OCA2: variants seen among roughly 807,000 people sequenced by gnomAD.
OCA2 encodes the protein P protein.
In OCA2, 77 loss-of-function variants were observed where a neutral mutation model predicts 100.2. The observed-to-expected ratio is 0.77, with a 90% CI of 0.64 to 0.93. OCA2 has a LOEUF of 0.93. OCA2 is among the 40% of genes least tolerant of loss of function. The pLI, the probability that OCA2 is intolerant of heterozygous loss-of-function variation, is 0.00. For missense variants in OCA2, 1,062 were observed against 1,089.1 expected, an observed-to-expected ratio of 0.98 and a Z score of 0.35; for synonymous variants, 432 against 439.2, an observed-to-expected ratio of 0.98 and a Z score of 0.21.
intron 15 of OCA2, among the ~76,000 whole-genome samples, chr15:27,965,825 A>G (rs1275796523): frequency 6.6e-6 from 1 of 152,178 alleles, no homozygotes; most frequent in Non-Finnish European, 1.5e-5. Context: ...CAAATAATCT[A>G]TTGTTCCTAA....
chr15:27,954,360 A>G (rs1022651724), intron 17 of OCA2, among the ~76,000 whole-genome samples: 1 of 152,262 alleles, frequency 6.6e-6, no homozygotes. Flanking sequence ...TCACAGCTAT[A>G]CCTTTCTTTT....
At chr15:27,968,111 G>A (rs1478077598) in intron 14 of OCA2, among the ~76,000 whole-genome samples, 2 of 152,144 alleles carry the variant, frequency 1.3e-5, no homozygotes, top group South Asian at 2.1e-4. Context: ...TTTCACAGAC[G>A]TCCTGGAGTA....
At chr15:27,834,220 C>T (rs1047544269) in intron 23 of OCA2, among the ~76,000 whole-genome samples, 2 of 152,186 alleles carry the variant, frequency 1.3e-5, no homozygotes, top group African/African-American at 4.8e-5. Flanking sequence ...TGTAATCAAT[C>T]ATGCCAATGT....
At chr15:27,794,543 T>C (rs2033240630) in intron 23 of OCA2, among the ~76,000 whole-genome samples, 2 of 152,228 alleles carry the variant, frequency 1.3e-5, no homozygotes, top group Admixed American at 1.3e-4. Flanking sequence ...TAACGGGCCA[T>C]GACTGCATAA....
chr15:27,957,728 C>T lies in OCA2; in HGVS notation c.1644G>A (p.Lys548=), dbSNP rs371550945. 6.8e-6 allele frequency: 11 copies of T among 1,613,054 alleles called. No homozygotes were observed. The highest frequency in any genetic ancestry group is 9.3e-6 in the Non-Finnish European group (11 of 1,180,008). ...TCAGGCGCCAGACGTGAATCTCGTG[C>T]TTCAGTTCTGCAGAGAAAGGAAGGC... ...NKEPSEIVEL[K]HEIHVWRLTA... The change falls in exon 16 of 24, where the codon AAG becomes AAA. Residue 548 remains lysine, a synonymous_variant. Coordinates refer to ENST00000354638, the MANE Select transcript of OCA2 (RefSeq NM_000275.3). This position sits in a 1 kb window ranked among gnomAD's most constrained non-coding sequence, Gnocchi z 4.3.
rs2041481954 is a variant in OCA2 at position 27,989,642 on chromosome 15, C to G, written c.1141G>C (p.Glu381Gln). 1 of 1,614,018 alleles carries G rather than the reference C, an allele frequency of 6.2e-7. No individual in the cohort carries two copies. The highest frequency in any genetic ancestry group is 8.5e-7 in the Non-Finnish European group (1 of 1,180,026). Residue 381 changes from glutamate (E) to glutamine (Q), a missense_variant, in exon 11 of 24, where the codon GAG becomes CAG. Transcript: ENST00000354638. ...GDRPSLTHVV[E>Q]WIDFETLALL... ...GCCAGCGTCTCAAAATCAATCCACTCCACCACATGGGTCAGGCTGGGTCTC... is the reference window on the plus strand; with the variant it reads ...GCCAGCGTCTCAAAATCAATCCACTGCACCACATGGGTCAGGCTGGGTCTC...
intron 9 of OCA2, among the ~76,000 whole-genome samples, chr15:28,003,514 G>C (rs2041992400): frequency 6.6e-6 from 1 of 151,596 alleles, no homozygotes; most frequent in Non-Finnish European, 1.5e-5. Flanking sequence ...CTGTTTTGTG[G>C]GTGAGGGGAG....
At chr15:27,953,373 C>T (rs568520902) in intron 17 of OCA2, among the ~76,000 whole-genome samples, 18 of 152,328 alleles carry the variant, frequency 1.2e-4, no homozygotes, top group Admixed American at 8.5e-4. Flanking sequence ...CCCTGCCCAC[C>T]GTGAAGGCTC....
At chr15:27,991,602 C>A (rs2041557827) in intron 9 of OCA2, among the ~76,000 whole-genome samples, 1 of 152,010 alleles carries the variant, frequency 6.6e-6, no homozygotes, top group African/African-American at 2.4e-5. Context: ...TCCCAGGGAT[C>A]CTTATGGGGT....
intron 23 of OCA2, among the ~76,000 whole-genome samples, chr15:27,799,648 G>A (rs1344992791): frequency 6.6e-6 from 1 of 151,864 alleles, no homozygotes; most frequent in Non-Finnish European, 1.5e-5. Context: ...AGGAGGCAGA[G>A]ACAGGAGAAT....
chr15:27,764,936 G>T (rs2031137122), intron 23 of OCA2, among the ~76,000 whole-genome samples: 1 of 152,206 alleles, frequency 6.6e-6, no homozygotes, highest in South Asian at 2.1e-4. Context: ...GATACGTGTA[G>T]CTATTTCTTG....
At chr15:28,071,288 A>C (rs945974253) in intron 2 of OCA2, among the ~76,000 whole-genome samples, 3 of 152,226 alleles carry the variant, frequency 2.0e-5, no homozygotes, top group Non-Finnish European at 4.4e-5. Flanking sequence ...TAAATAGAAA[A>C]ACATTTCATG....
intron 15 of OCA2, among the ~76,000 whole-genome samples, chr15:27,962,911 G>T (rs558666949): frequency 1.3e-4 from 20 of 152,134 alleles, no homozygotes; most frequent in Middle Eastern, 3.5e-3. Flanking sequence ...GTACTTTAAA[G>T]ATATAAATAA....
intron 14 of OCA2, among the ~76,000 whole-genome samples, chr15:27,975,813 A>T (rs980044440): frequency 6.6e-6 from 1 of 152,188 alleles, no homozygotes; most frequent in African/African-American, 2.4e-5. Context: ...ATTTCTACCC[A>T]AAGAGAAAAC....
intron 1 of OCA2, among the ~76,000 whole-genome samples, chr15:28,082,550 A>G (rs1218145800): frequency 6.6e-6 from 1 of 152,248 alleles, no homozygotes; most frequent in Non-Finnish European, 1.5e-5. Flanking sequence ...TGTGCACAGC[A>G]TGAAATTCTG....
intron 2 of OCA2, among the ~76,000 whole-genome samples, chr15:28,039,623 C>G (rs868525333): frequency 6.6e-6 from 1 of 152,188 alleles, no homozygotes; most frequent in African/African-American, 2.4e-5. Flanking sequence ...GAAGCCCTAA[C>G]CCCTAGTACC....
chr15:28,077,857 G>A (rs2044482570), intron 2 of OCA2, among the ~76,000 whole-genome samples: 1 of 152,188 alleles, frequency 6.6e-6, no homozygotes, highest in Admixed American at 6.5e-5. Flanking sequence ...CGAGGCAGGT[G>A]GATCACGAGG....
At chr15:27,773,742 CAT>C (rs1241961703) in intron 23 of OCA2, among the ~76,000 whole-genome samples, 4 of 152,194 alleles carry the variant, frequency 2.6e-5, no homozygotes, top group Non-Finnish European at 5.9e-5. Flanking sequence ...CTTTAGTAGA[CAT>C]GTGAAACTTG....
intron 2 of OCA2, among the ~76,000 whole-genome samples, chr15:28,071,353 G>A (rs1480908342): frequency 6.6e-6 from 1 of 152,144 alleles, no homozygotes; most frequent in Non-Finnish European, 1.5e-5. Flanking sequence ...CCAAAGCAAT[G>A]TACAGATTCA....
Sources: gnomAD v4.1 joint callset for allele counts (sites outside exome capture counted in the v4.1 genomes callset) on GRCh38, gnomAD v4.1.1 for gene constraint, Gnocchi (gnomAD v3.1) non-coding constraint, MANE v1.5 for transcripts, NCBI Gene and HGNC (gene_info 2026-07-23, HGNC 2026-07-21) for gene names.